The following QPCT variants were observed in gnomAD, a reference collection of about 807,000 sequenced individuals.
QPCT encodes EC.
QPCT carries 44 observed loss-of-function variants against 43.4 expected under a neutral mutation model. That is an observed-to-expected ratio of 1.01 (90% CI 0.80 to 1.30). The LOEUF is 1.30. QPCT is among the 50% of genes most tolerant of loss of function. The probability of loss-of-function intolerance (pLI) is 0.00; values close to 1 mark genes in which losing one functional copy is unlikely to be tolerated. For synonymous variants in QPCT, 168 were observed against 168.4 expected (o/e 1.00, Z 0.02); for missense variants, 526 against 436.5 (o/e 1.21, Z -1.83).
chr2:37,353,850 C>A (rs763360039), intron 2 of QPCT, among the ~76,000 whole-genome samples: 1 of 152,160 alleles, frequency 6.6e-6, no homozygotes, highest in Non-Finnish European at 1.5e-5. Flanking sequence ...AACTGCAAGG[C>A]GCAGGTGCCC....
Position 37,372,838 on chromosome 2 carries a change from T to C in QPCT, c.*11T>C. On this transcript the variant is annotated 3_prime_UTR_variant, in exon 7 of 7. Coordinates refer to ENST00000338415, the MANE Select transcript of QPCT (RefSeq NM_012413.4). ...TATCTTCATTTGTAATACTCTGATT[T>C]AGTTTAGGATAATTGGTTCTAGAAT... 1.3e-6 allele frequency: 2 copies of C among 1,587,392 alleles called. No homozygotes were observed. Among genetic ancestry groups the C allele is most frequent in the Non-Finnish European group, 1.7e-6 (2 of 1,165,166 alleles).
At chr2:37,367,483 A>G (rs1247166366) in intron 4 of QPCT, 75 bp downstream of exon 4, 2 of 1,429,194 alleles carry the variant, frequency 1.4e-6, no homozygotes, top group African/African-American at 2.9e-5. Context: ...AAGCCAAGTA[A>G]AGACCTAAAA....
chr2:37,347,179 A>ATAT (rs1244639524), intron 1 of QPCT, among the ~76,000 whole-genome samples: 1 of 50,774 alleles, frequency 2.0e-5, no homozygotes. Context: ...ATATATATAT[A>ATAT]ACATATATAT....
intron 3 of QPCT, among the ~76,000 whole-genome samples, chr2:37,364,449 A>G (rs891119829): frequency 6.6e-6 from 1 of 152,264 alleles, no homozygotes; most frequent in Non-Finnish European, 1.5e-5. Flanking sequence ...AAACAAAACC[A>G]GACAGACATG....
Position 37,359,543 on chromosome 2 carries a change from T to G in QPCT, c.268-37T>G, listed in dbSNP as rs201861985. ...ACAGTTAACAAATGAAAGCCATTTC[T>G]TTAGATCTAAATTTTTTGTTTTTTT... On this transcript the variant is annotated intron_variant, in intron 2 of 6. Transcript: ENST00000338415. The G allele has an allele frequency of 3.9e-5, 61 of 1,569,580 alleles. No individual in the cohort carries two copies. In the East Asian group the frequency reaches 1.1e-3, roughly 28 times the overall value.
chr2:37,346,621 A>G (rs1241335493), intron 1 of QPCT, among the ~76,000 whole-genome samples: 1 of 152,228 alleles, frequency 6.6e-6, no homozygotes, highest in Non-Finnish European at 1.5e-5. Flanking sequence ...TTAAAGCATG[A>G]ATCCCTTTTA....
intron 2 of QPCT, among the ~76,000 whole-genome samples, chr2:37,353,881 C>T (rs763898097): frequency 2.1e-4 from 32 of 152,242 alleles, no homozygotes; most frequent in Non-Finnish European, 4.0e-4. Flanking sequence ...CTCTTCCTTT[C>T]GATTTCAGAG....
rs533285050 is a variant in QPCT at position 37,367,500 on chromosome 2, C to T, written c.723+92C>T. ...GCCAAGTAAAGACCTAAAAATGCCA[C>T]AGCATCCTTGGAGCACAGTGTTTAT... On this transcript the variant is annotated intron_variant, in intron 4 of 6. Coordinates refer to ENST00000338415, the MANE Select transcript of QPCT (RefSeq NM_012413.4). The T allele has an allele frequency of 1.2e-4, 157 of 1,287,912 alleles. 1 individual carries two copies. In the South Asian group the frequency reaches 2.2e-3, roughly 18 times the overall value. 79.8% of individuals were successfully genotyped at this position (1,287,912 alleles called of 1,614,324 possible).
At chr2:37,371,649 T>G (rs1392607809) in intron 5 of QPCT, among the ~76,000 whole-genome samples, 1 of 152,152 alleles carries the variant, frequency 6.6e-6, no homozygotes, top group Non-Finnish European at 1.5e-5. Context: ...ATAATATTCA[T>G]GTAATCTCTT....
chr2:37,350,564 G>A (rs1672598375), intron 1 of QPCT, among the ~76,000 whole-genome samples: 1 of 152,168 alleles, frequency 6.6e-6, no homozygotes. Context: ...GAATAAACTG[G>A]AAGTGCATAA....
chr2:37,344,792 G>C lies in QPCT; in HGVS notation c.61G>C (p.Ala21Pro). ...GTLHLLLLVA[A>P]LPWASRGVSP... is the part of the protein sequence containing the mutation. ...CCTCCACCTGCTGCTGCTGGTGGCC[G>C]CCCTGCCCTGGGCATCCAGGGGGGT... The change falls in exon 1 of 7, where the codon GCC becomes CCC. Residue 21 changes from alanine (A) to proline (P), a missense_variant. Physicochemically the swap from Ala to Pro is conservative, Grantham distance 27. Transcript: ENST00000338415. 4 of 1,609,482 alleles carry C rather than the reference G, an allele frequency of 2.5e-6. No individual in the cohort carries two copies. Among genetic ancestry groups the C allele is most frequent in the Non-Finnish European group, 3.4e-6 (4 of 1,178,552 alleles).
chr2:37,346,718 A>G (rs1361717857), intron 1 of QPCT, among the ~76,000 whole-genome samples: 1 of 152,212 alleles, frequency 6.6e-6, no homozygotes, highest in Non-Finnish European at 1.5e-5. Flanking sequence ...ATCAGCCATC[A>G]CATTTCCCAG....
intron 2 of QPCT, chr2:37,358,601 T>C (rs1672796380): frequency 6.6e-6 from 1 of 152,216 alleles, no homozygotes; most frequent in Non-Finnish European, 1.5e-5. Context: ...TTTAAAAAAA[T>C]ACTTCTAGTT....
At chr2:37,345,165 A>AG (rs1672456528) in intron 1 of QPCT, among the ~76,000 whole-genome samples, 1 of 152,244 alleles carries the variant, frequency 6.6e-6, no homozygotes, top group South Asian at 2.1e-4. Context: ...CTGAGCCGGG[A>AG]GGCGAGGGCG....
At position 37,359,685 on chromosome 2, in the gene QPCT, A is replaced by G. The variant is rs1189055952; in HGVS notation, c.373A>G (p.Ser125Gly). ...GTACCGGTCTTTCTCAAATATCATC[A>G]GCACCCTCAATCCCACTGCTAAACG... ...YGYRSFSNII[S>G]TLNPTAKRHL... Residue 125 changes from serine (S) to glycine (G), a missense_variant, in exon 3 of 7, where the codon AGC becomes GGC. By Grantham distance (56) the Ser-to-Gly change is moderately conservative (BLOSUM62 0). Transcript: ENST00000338415. The G allele has an allele frequency of 1.2e-6, 2 of 1,614,122 alleles. No individual in the cohort carries two copies. The highest frequency in any genetic ancestry group is 2.2e-5 in the East Asian group (1 of 44,880).
Position 37,366,801 on chromosome 2 carries a change from G to A in QPCT, c.547-431G>A, listed in dbSNP as rs529106674. Among the ~76,000 whole-genome samples, 340 of 152,072 alleles carry A rather than the reference G, an allele frequency of 2.2e-3. 1 individual carries two copies. The highest frequency in any genetic ancestry group is 7.8e-3 in the African/African-American group (323 of 41,544). ...ATGATGGCTCTTTAGAGAGCCCCCC[G>A]TACCCGTGTAGGTCAGCACTGGATG... On this transcript the variant is annotated intron_variant, in intron 3 of 6. Transcript: ENST00000338415.
chr2:37,351,160 G>C (rs3770751), intron 1 of QPCT, among the ~76,000 whole-genome samples: 94,547 of 152,170 alleles, frequency 0.62, 30,440 homozygotes, highest in East Asian at 0.91. Flanking sequence ...AATGAAAATA[G>C]TTGCATGACT....
intron 2 of QPCT, among the ~76,000 whole-genome samples, chr2:37,359,190 A>G (rs1168440405): frequency 1.3e-5 from 2 of 151,716 alleles, no homozygotes; most frequent in Non-Finnish European, 2.9e-5. Context: ...TATAAAAAGT[A>G]GGATTCTTTT....
At chr2:37,367,204 G>C (rs373917833) in intron 3 of QPCT, 28 bp from the exon 4 acceptor site, 15 of 1,571,088 alleles carry the variant, frequency 9.5e-6, no homozygotes, top group Non-Finnish European at 1.2e-5. Flanking sequence ...GTATTTTTTT[G>C]CTATGTTTTT....
Sources: gnomAD v4.1 joint callset for allele counts (sites outside exome capture counted in the v4.1 genomes callset) on GRCh38, gnomAD v4.1.1 for gene constraint, MANE v1.5 for transcripts, NCBI Gene and HGNC (gene_info 2026-07-23, HGNC 2026-07-21) for gene names.